Variants in OSBPL10 observed in about 807,000 individuals in gnomAD.
OSBPL10 encodes oxysterol-binding protein-related protein 10.
A neutral mutation model predicts 81.7 loss-of-function variants in OSBPL10; 49 were observed. The ratio of observed to expected loss-of-function variants is 0.60; its 90% CI spans 0.48 to 0.76. OSBPL10 has a LOEUF of 0.76. Among genes scored for constraint, OSBPL10 ranks in the 30% least tolerant of loss-of-function variants. The pLI, the probability that OSBPL10 is intolerant of heterozygous loss-of-function variation, is 0.00. For synonymous variants in OSBPL10, 419 were observed against 383.6 expected (o/e 1.09, Z -1.08); for missense variants, 923 against 987.8 (o/e 0.93, Z 0.88).
intron 1 of OSBPL10, chr3:31,960,064 T>C (rs1302585301): frequency 2.6e-5 from 4 of 152,230 alleles, no homozygotes; most frequent in African/African-American, 9.6e-5. Flanking sequence ...ATGTACTCCA[T>C]GGAAAAATGT....
At chr3:31,871,322 C>G (rs150530442) in intron 3 of OSBPL10, among the ~76,000 whole-genome samples, 2 of 152,086 alleles carry the variant, frequency 1.3e-5, no homozygotes, top group Non-Finnish European at 2.9e-5. Flanking sequence ...AGAGCTGTAA[C>G]ACTCACTACG....
chr3:31,842,251 C>T (rs1375790474), intron 3 of OSBPL10, among the ~76,000 whole-genome samples: 2 of 152,214 alleles, frequency 1.3e-5, no homozygotes, highest in Non-Finnish European at 2.9e-5. Flanking sequence ...GTCTCCATAT[C>T]ACCTTAGCTA....
At chr3:31,834,334 G>A (rs73061413) in intron 3 of OSBPL10, among the ~76,000 whole-genome samples, 11,055 of 152,264 alleles carry the variant, frequency 0.073, 550 homozygotes, top group Non-Finnish European at 0.12. Flanking sequence ...GGAAAATTCG[G>A]AGTCGAGAGC....
In OSBPL10 at chr3:31,707,940, A is replaced by G. The variant is rs1010932384; in HGVS notation, c.1096-5432T>C. Among the ~76,000 whole-genome samples the G allele has an allele frequency of 1.5e-4, 23 of 152,168 alleles. No homozygotes were observed. The East Asian group carries it at 4.1e-3, about 27-fold the overall frequency. On this transcript the variant is annotated intron_variant, in intron 6 of 11. Coordinates refer to ENST00000396556, the MANE Select transcript of OSBPL10 (RefSeq NM_017784.5). Reference sequence around the variant, plus strand: ...GTTGAGACATAGATAGAGGCTAGGGACTGGAGAGATTGGAAGAGTAGGCAA... The same window carrying G: ...GTTGAGACATAGATAGAGGCTAGGGGCTGGAGAGATTGGAAGAGTAGGCAA...
intron 1 of OSBPL10, among the ~76,000 whole-genome samples, chr3:31,882,679 A>C (rs1253802622): frequency 6.6e-6 from 1 of 152,182 alleles, no homozygotes; most frequent in African/African-American, 2.4e-5. Context: ...GCACACACAC[A>C]CACACACGCA....
chr3:31,943,666 G>A (rs914251979), intron 1 of OSBPL10, among the ~76,000 whole-genome samples: 1 of 152,070 alleles, frequency 6.6e-6, no homozygotes, highest in Non-Finnish European at 1.5e-5. Flanking sequence ...TAACTCCACT[G>A]TCATTAAATG....
At chr3:31,812,717 A>AAG (rs1553628768) in intron 4 of OSBPL10, among the ~76,000 whole-genome samples, 4 of 53,546 alleles carry the variant, frequency 7.5e-5, no homozygotes, top group East Asian at 3.7e-3. Flanking sequence ...GTAGGCAAAA[A>AAG]AAAAGAAAGA....
chr3:31,870,339 C>T (rs1701288465), intron 3 of OSBPL10, among the ~76,000 whole-genome samples: 1 of 152,260 alleles, frequency 6.6e-6, no homozygotes, highest in Non-Finnish European at 1.5e-5. Context: ...TCTCACTGGG[C>T]CTTAGCTTTC....
At position 32,061,220 on chromosome 3, in the gene OSBPL10, C is replaced by T. The variant is rs1488267562; in HGVS notation, n.186-14617G>A. On this transcript the variant is annotated intron_variant and non_coding_transcript_variant, in intron 1 of 3. Transcript: ENST00000479173. Reference sequence around the variant, plus strand: ...TGAGCACCCCACAGCTCCCCTCTCACCTTATTGTAACTCTTTGTTTAATAT... The same window carrying T: ...TGAGCACCCCACAGCTCCCCTCTCATCTTATTGTAACTCTTTGTTTAATAT... 8.8e-5 allele frequency among the ~76,000 whole-genome samples: 8 copies of T among 91,324 alleles called. 3 individuals carry two copies. In the East Asian group the frequency reaches 2.0e-3, roughly 23 times the overall value. The allele number at this position is 91,324 out of a possible 152,430, so 59.9% of individuals were successfully genotyped here. A position where few individuals can be genotyped will look rare whatever the true frequency, so the allele number is the denominator to read the frequency against.
intron 2 of OSBPL10, among the ~76,000 whole-genome samples, chr3:32,013,361 A>C (rs1016488389): frequency 9.2e-5 from 14 of 152,254 alleles, no homozygotes; most frequent in Non-Finnish European, 4.4e-5. Context: ...ACATAACGAA[A>C]TGAAGGCAGA....
At chr3:32,013,622 C>CA (rs1475153850) in intron 2 of OSBPL10, among the ~76,000 whole-genome samples, 1 of 152,038 alleles carries the variant, frequency 6.6e-6, no homozygotes, top group South Asian at 2.1e-4. Context: ...GATAGAGACA[C>CA]AAAAAACCCT....
chr3:31,884,419 A>G (rs6779836), intron 1 of OSBPL10, among the ~76,000 whole-genome samples: 6,054 of 152,338 alleles, frequency 0.04, 176 homozygotes, highest in Non-Finnish European at 0.059. Flanking sequence ...AAAAATTCCA[A>G]CAGACTAGAA....
Position 31,660,836 on chromosome 3 carries a change from G to A in OSBPL10, c.*1236C>T, listed in dbSNP as rs544583385. 8 of 152,694 alleles carry A rather than the reference G, an allele frequency of 5.2e-5. No homozygotes were observed. The highest frequency in any genetic ancestry group is 2.1e-4 in the South Asian group (1 of 4,830). The allele number at this position is 152,694 out of a possible 1,614,324, so 9.5% of individuals were successfully genotyped here. Reference sequence around the variant, plus strand: ...CACAGACACAGATATGTATTCAATCGAAATATATTTGTCTAATATCTACAA... The same window carrying A: ...CACAGACACAGATATGTATTCAATCAAAATATATTTGTCTAATATCTACAA... On this transcript the variant is annotated 3_prime_UTR_variant, in exon 12 of 12. Transcript: ENST00000396556.
At chr3:31,802,260 G>T (rs1439576602) in intron 4 of OSBPL10, among the ~76,000 whole-genome samples, 1 of 151,362 alleles carries the variant, frequency 6.6e-6, no homozygotes, top group East Asian at 2.0e-4. Flanking sequence ...AAGCTGCTCT[G>T]TAAAGAATTC....
chr3:31,911,931 A>G (rs922291993), intron 1 of OSBPL10, among the ~76,000 whole-genome samples: 6 of 151,928 alleles, frequency 3.9e-5, no homozygotes, highest in Middle Eastern at 3.4e-3. Context: ...CCCCAACAGG[A>G]AATTTCCCCT....
chr3:31,965,614 TAA>T (rs1251577168), intron 1 of OSBPL10, among the ~76,000 whole-genome samples: 9 of 79,978 alleles, frequency 1.1e-4, no homozygotes, highest in Admixed American at 4.7e-4. Context: ...ATATATTATA[TAA>T]ATTATATATT....
intron 4 of OSBPL10, among the ~76,000 whole-genome samples, chr3:31,763,721 A>G (rs941799066): frequency 6.6e-6 from 1 of 152,202 alleles, no homozygotes; most frequent in African/African-American, 2.4e-5. Flanking sequence ...CCTAGAATTA[A>G]TTTCACTAGT....
Position 31,683,998 on chromosome 3 carries a change from T to C in OSBPL10, c.1362A>G (p.Arg454=). ...AITAGATPEE[R]VICFVEYYLT... ...GATAATACTCAACGAAGCAAATGAC[T>C]CTCTCCTCTGGTGTGGCCCCAGCGG... is the stretch of plus-strand genomic sequence containing the variant. The change falls in exon 8 of 12, where the codon AGA becomes AGG. Residue 454 remains arginine (R), a synonymous_variant. Transcript: ENST00000396556. 1.2e-6 allele frequency: 2 copies of C among 1,614,142 alleles called. No individual in the cohort carries two copies. Among genetic ancestry groups the C allele is most frequent in the Non-Finnish European group, 1.7e-6 (2 of 1,180,024 alleles).
At chr3:31,776,311 T>C (rs1698547749) in intron 4 of OSBPL10, among the ~76,000 whole-genome samples, 1 of 152,114 alleles carries the variant, frequency 6.6e-6, no homozygotes, top group Non-Finnish European at 1.5e-5. Flanking sequence ...AGGAGAAAAT[T>C]TTTAAAAGCT....
Sources: gnomAD v4.1 joint callset for allele counts (sites outside exome capture counted in the v4.1 genomes callset) on GRCh38, gnomAD v4.1.1 for gene constraint, MANE v1.5 for transcripts, NCBI Gene and HGNC (gene_info 2026-07-23, HGNC 2026-07-21) for gene names.